The following ZNF567 variants were observed in gnomAD, a reference collection of about 807,000 sequenced individuals.
The protein encoded by ZNF567 is zinc finger protein 567.
In ZNF567, 36 loss-of-function variants were observed where a neutral mutation model predicts 53.9. That is an observed-to-expected ratio of 0.67 (90% CI 0.51 to 0.88). ZNF567 has a LOEUF of 0.88. Among genes scored for constraint, ZNF567 ranks in the 40% least tolerant of loss-of-function variants. ZNF567 has a pLI of 0.00. For synonymous variants in ZNF567, 224 were observed against 260.4 expected (o/e 0.86, Z 1.35); for missense variants, 619 against 764.7 (o/e 0.81, Z 2.25).
chr19:36,692,737 G>A (rs547588277), intron 2 of ZNF567, among the ~76,000 whole-genome samples: 4 of 152,218 alleles, frequency 2.6e-5, no homozygotes, highest in East Asian at 1.9e-4. Flanking sequence ...TTGTGGAGAC[G>A]CTAGGTGAAA....
At chr19:36,690,216 T>C (rs562001129) in intron 2 of ZNF567, among the ~76,000 whole-genome samples, 2 of 152,322 alleles carry the variant, frequency 1.3e-5, no homozygotes, top group African/African-American at 4.8e-5. Context: ...AAAAGACTTA[T>C]TTACAGTGGT....
chr19:36,695,461 A>C (rs1187748157), intron 3 of ZNF567, among the ~76,000 whole-genome samples: 1 of 152,098 alleles, frequency 6.6e-6, no homozygotes, highest in Non-Finnish European at 1.5e-5. Context: ...TCCAGGAGGC[A>C]GAGGTTGCAG....
At chr19:36,706,629 T>C (rs2145766046) in intron 3 of ZNF567, among the ~76,000 whole-genome samples, 1 of 151,544 alleles carries the variant, frequency 6.6e-6, no homozygotes, top group Middle Eastern at 3.4e-3. Context: ...ATTCAAACTA[T>C]AGTATATGAT....
chr19:36,678,850 CAAAA>C, the ZNF567 span, among the ~76,000 whole-genome samples: 1 of 137,572 alleles, frequency 7.3e-6, no homozygotes, highest in African/African-American at 2.7e-5. Context: ...GACTCTGTCT[CAAAA>C]AAAAAAAAAG....
chr19:36,683,658 C>T (rs1432221156), upstream of ZNF567, among the ~76,000 whole-genome samples: 4 of 151,932 alleles, frequency 2.6e-5, no homozygotes, highest in African/African-American at 9.7e-5. Flanking sequence ...ATGGTGAAAC[C>T]CCGTCTCTAC....
chr19:36,685,104 T>C (rs2038239986), upstream of ZNF567, among the ~76,000 whole-genome samples: 2 of 152,052 alleles, frequency 1.3e-5, no homozygotes, highest in Admixed American at 6.5e-5. Flanking sequence ...CCTGGCCAAC[T>C]TGGCGAAACC....
At chr19:36,716,678 T>C (rs1449588519) in intron 5 of ZNF567, among the ~76,000 whole-genome samples, 1 of 152,198 alleles carries the variant, frequency 6.6e-6, no homozygotes, top group Non-Finnish European at 1.5e-5. Flanking sequence ...TATGGAGCTA[T>C]GTAAGGGAGA....
upstream of ZNF567, among the ~76,000 whole-genome samples, chr19:36,683,780 C>T (rs150069995): frequency 1.2e-3 from 175 of 152,000 alleles, 2 homozygotes; most frequent in East Asian, 0.016. Context: ...TGCAGTAAGC[C>T]GAGATCATGC....
In ZNF567 at chr19:36,715,506, AATAATTATTATTATT is replaced by A. The variant is rs1483072829; in HGVS notation, c.223+2642_223+2656del. ...TAATAATAATAATAATAATAATAATAATAATTATTATTATTATTATTATTATTATTATTATTATTT... is the reference window on the plus strand; with the variant it reads ...TAATAATAATAATAATAATAATAATAATTATTATTATTATTATTATTATTT... On this transcript the variant is annotated intron_variant, in intron 5 of 5. Coordinates refer to ENST00000682579, the MANE Select transcript of ZNF567 (RefSeq NM_001322917.1). Among the ~76,000 whole-genome samples the A allele has an allele frequency of 9.8e-3, 253 of 25,932 alleles. 2 individuals carry two copies. The highest frequency in any genetic ancestry group is 0.046 in the African/African-American group (185 of 4,006). 17.0% of individuals were successfully genotyped at this position (25,932 alleles called of 152,430 possible). A position where few individuals can be genotyped will look rare whatever the true frequency, so the allele number is the denominator to read the frequency against.
the ZNF567 span, among the ~76,000 whole-genome samples, chr19:36,671,168 T>C: frequency 6.6e-6 from 1 of 152,276 alleles, no homozygotes; most frequent in South Asian, 2.1e-4. Context: ...GACATTACAC[T>C]GATTCAACCT....
chr19:36,721,541 G>A (rs948501395), downstream of ZNF567, among the ~76,000 whole-genome samples: 10 of 152,082 alleles, frequency 6.6e-5, no homozygotes, highest in African/African-American at 2.2e-4. Flanking sequence ...AAGGCCTTTA[G>A]CTGTCTCTCA....
intron 3 of ZNF567, among the ~76,000 whole-genome samples, chr19:36,708,804 C>A (rs950077983): frequency 2.0e-5 from 3 of 152,166 alleles, no homozygotes; most frequent in Non-Finnish European, 4.4e-5. Context: ...CCCGTTCTTG[C>A]TTATCTGTTC....
At chr19:36,718,597 T>C (rs1201841833) in intron 5 of ZNF567, among the ~76,000 whole-genome samples, 1 of 152,230 alleles carries the variant, frequency 6.6e-6, no homozygotes, top group Non-Finnish European at 1.5e-5. Flanking sequence ...CTAATTTTTC[T>C]TGTCCATCCT....
At chr19:36,673,314 T>C in the ZNF567 span, among the ~76,000 whole-genome samples, 2 of 152,238 alleles carry the variant, frequency 1.3e-5, no homozygotes, top group Non-Finnish European at 2.9e-5. Flanking sequence ...CTTATGATGG[T>C]TAATTTTATG....
intron 3 of ZNF567, among the ~76,000 whole-genome samples, chr19:36,706,773 A>G (rs1258247937): frequency 1.4e-5 from 2 of 145,996 alleles, no homozygotes; most frequent in African/African-American, 5.1e-5. Flanking sequence ...CTCCCACCGT[A>G]GCCACCTGAG....
chr19:36,668,302 C>T, the ZNF567 span: 6 of 152,280 alleles, frequency 3.9e-5, no homozygotes, highest in Admixed American at 3.9e-4. Context: ...GCGTGGGGCT[C>T]ATGCGGCGAG....
chr19:36,708,635 C>T (rs2039619971), intron 3 of ZNF567, among the ~76,000 whole-genome samples: 1 of 152,176 alleles, frequency 6.6e-6, no homozygotes, highest in African/African-American at 2.4e-5. Flanking sequence ...TTTATCCCTC[C>T]CTCCCTGCTA....
chr19:36,719,740 G>C lies in ZNF567; in HGVS notation c.1016G>C (p.Cys339Ser). The part of the protein sequence containing the change: ...RTHTGEKSYE[C>S]LQCRNAFRLK... ...CACACAGGGGAGAAATCGTATGAAT[G>C]TCTGCAATGTAGGAATGCCTTCAGA... The change falls in exon 6 of 6, where the codon TGT becomes TCT. Residue 339 changes from cysteine to serine, a missense_variant. Physicochemically the swap from Cys to Ser is moderately radical, Grantham distance 112. Transcript: ENST00000682579. 6.2e-7 allele frequency: 1 copy of C among 1,614,148 alleles called. No homozygotes were observed. Among genetic ancestry groups the C allele is most frequent in the Non-Finnish European group, 8.5e-7 (1 of 1,180,034 alleles).
the ZNF567 span, among the ~76,000 whole-genome samples, chr19:36,670,763 C>T: frequency 6.6e-6 from 1 of 152,152 alleles, no homozygotes; most frequent in Non-Finnish European, 1.5e-5. Flanking sequence ...AGACACATAT[C>T]GTAAGTTAGT....
Sources: gnomAD v4.1 joint callset for allele counts (sites outside exome capture counted in the v4.1 genomes callset) on GRCh38, gnomAD v4.1.1 for gene constraint, MANE v1.5 for transcripts, NCBI Gene and HGNC (gene_info 2026-07-23, HGNC 2026-07-21) for gene names.